Variants in CDK16 observed in about 807,000 individuals in gnomAD.
The protein encoded by CDK16 is cyclin-dependent kinase 16.
Under a neutral mutation model 41.6 loss-of-function variants are expected in CDK16, and 2 were observed. The ratio of observed to expected loss-of-function variants is 0.05; its 90% CI spans 0.02 to 0.15. CDK16 has a LOEUF of 0.15. CDK16 is among the 10% of genes least tolerant of loss of function. CDK16 has a pLI of 1.00. For missense variants in CDK16, 228 were observed against 428.9 expected, an observed-to-expected ratio of 0.53 and a Z score of 4.14; for synonymous variants, 169 against 169.7, an observed-to-expected ratio of 1.00 and a Z score of 0.03.
rs749656759 is a variant in CDK16 at position 47,220,793 on chromosome X, G to A, written c.-7+1688G>A. Among the ~76,000 whole-genome samples the A allele has an allele frequency of 1.4e-3, 160 of 111,197 alleles. 2 individuals carry two copies. Among genetic ancestry groups the A allele is most frequent in the African/African-American group, 4.9e-3 (150 of 30,494 alleles). ...GATCTATCTGTAAGGTTCACTTTAT[G>A]TTAATAGCATTCAGAGCAGCATGAA... On this transcript the variant is annotated intron_variant, in intron 1 of 15. Transcript: ENST00000357227.
intron 1 of CDK16, among the ~76,000 whole-genome samples, chrX:47,219,941 A>G (rs1937265126): frequency 9.1e-6 from 1 of 110,249 alleles, no homozygotes; most frequent in African/African-American, 3.3e-5. Context: ...AGCCTGGCCT[A>G]AAGGAGATGA....
chrX:47,223,728 T>TTCTGCACGGGGCCCACTCAGC lies in CDK16; in HGVS notation c.179_199dup (p.Arg60_Ala66dup), dbSNP rs778920672. 8.3e-7 allele frequency: 1 copy of TTCTGCACGGGGCCCACTCAGC among 1,209,092 alleles called. No homozygotes were observed. The highest frequency in any genetic ancestry group is 1.8e-5 in the South Asian group (1 of 56,487). The stretch of plus-strand genomic sequence containing the variant: ...CACGTGCTGCTCCTGGGGAACTTCG[T>TTCTGCACGGGGCCCACTCAGC]TCTGCACGGGGCCCACTCAGCTCTG... On this transcript the variant is annotated inframe_insertion, in exon 2 of 16. Coordinates refer to ENST00000357227, the MANE Select transcript of CDK16 (RefSeq NM_006201.5).
In CDK16 at chrX:47,228,413, G is replaced by T. The variant is rs41305231; in HGVS notation, c.1376-154G>T. 54,097 of 442,565 alleles carry T rather than the reference G, an allele frequency of 0.12. 2,781 individuals are homozygous for T. Among genetic ancestry groups the T allele is most frequent in the Middle Eastern group, 0.21 (451 of 2,174 alleles). 36.5% of individuals were successfully genotyped at this position (442,565 alleles called of 1,213,427 possible). A position where few individuals can be genotyped will look rare whatever the true frequency, so the allele number is the denominator to read the frequency against. ...AGTCTATATTTCATCTTCCCTGGTT[G>T]TAGCTGGTTTGTGTATGGAATTGTT... is the stretch of plus-strand genomic sequence containing the variant. On this transcript the variant is annotated intron_variant, in intron 14 of 15. Transcript: ENST00000357227.
At chrX:47,221,057 G>A (rs936631966) in intron 1 of CDK16, among the ~76,000 whole-genome samples, 2 of 111,467 alleles carry the variant, frequency 1.8e-5, no homozygotes, top group South Asian at 3.7e-4. Flanking sequence ...GGCTTTGAAT[G>A]CTGATGGGTA....
In CDK16 at chrX:47,224,656, G is replaced by A; in HGVS notation, c.375G>A (p.Arg125=). 1.2e-5 allele frequency: 14 copies of A among 1,211,397 alleles called. No individual in the cohort carries two copies. The highest frequency in any genetic ancestry group is 1.6e-5 in the Non-Finnish European group (14 of 895,362). The part of the protein sequence containing the change: ...NKRLSLPADI[R]LPEGYLEKLT... ...GCCTATCACTACCAGCTGACATCCGGCTGCCTGAGGGCTACCTGGAGAAGC... is the reference window on the plus strand; with the variant it reads ...GCCTATCACTACCAGCTGACATCCGACTGCCTGAGGGCTACCTGGAGAAGC... Residue 125 remains arginine, a synonymous_variant, in exon 4 of 16, where the codon CGG becomes CGA. Transcript: ENST00000357227.
At position 47,229,025 on chromosome X, in the gene CDK16, G is replaced by A. The variant is rs920885030; in HGVS notation, c.*257G>A. On this transcript the variant is annotated 3_prime_UTR_variant, in exon 16 of 16. Transcript: ENST00000357227. ...GTCTGTCTCTGTCTTGGTAGTTGCC[G>A]GTGGACAGCATGGCCGTGCCAGCCT... 6.6e-6 allele frequency: 3 copies of A among 456,901 alleles called. No homozygotes were observed. Among genetic ancestry groups the A allele is most frequent in the East Asian group, 3.9e-5 (1 of 25,823 alleles). The allele number at this position is 456,901 out of a possible 1,213,427, so 37.7% of individuals were successfully genotyped here.
chrX:47,229,278 A>C lies in CDK16; in HGVS notation c.*510A>C. On this transcript the variant is annotated 3_prime_UTR_variant, in exon 16 of 16. Transcript: ENST00000357227. Reference sequence around the variant, plus strand: ...TTCATTCATTGTTTTTTTTTTTTTAATTATTTTAAATGAGATTTTTGTTTT... The same window carrying C: ...TTCATTCATTGTTTTTTTTTTTTTACTTATTTTAAATGAGATTTTTGTTTT... 2.1e-5 allele frequency: 4 copies of C among 189,670 alleles called. No individual in the cohort carries two copies. The highest frequency in any genetic ancestry group is 6.5e-5 in the South Asian group (1 of 15,302). The allele number at this position is 189,670 out of a possible 1,213,427, so 15.6% of individuals were successfully genotyped here.
At position 47,225,631 on chromosome X, in the gene CDK16, TGGTG is replaced by T. The variant is rs1937529299; in HGVS notation, c.635-139_635-136del. The T allele has an allele frequency of 8.8e-6, 4 of 452,986 alleles. No individual in the cohort carries two copies. In the Admixed American group the frequency reaches 1.5e-4, roughly 17 times the overall value. The allele number at this position is 452,986 out of a possible 1,213,427, so 37.3% of individuals were successfully genotyped here. ...CTTCTGGCATGAGGCGGGTTAGAGC[TGGTG>T]GCTCCGAGGCATTACCCTGAACTGT... On this transcript the variant is annotated intron_variant, in intron 6 of 15. Transcript: ENST00000357227.
chrX:47,226,837 A>G lies in CDK16; in HGVS notation c.1063A>G (p.Met355Val), dbSNP rs770333839. 10 of 1,209,081 alleles carry G rather than the reference A, an allele frequency of 8.3e-6. No individual in the cohort carries two copies. The highest frequency in any genetic ancestry group is 1.0e-5 in the Non-Finnish European group (9 of 894,008). The change falls in exon 11 of 16, where the codon ATG becomes GTG. Residue 355 changes from methionine to valine, a missense_variant. By Grantham distance (21) the Met-to-Val change is conservative. Around this residue, in one of 3 missense-constraint regions of CDK16, gnomAD observed 91 missense variants for 129.5 expected, o/e 0.70. Coordinates refer to ENST00000357227, the MANE Select transcript of CDK16 (RefSeq NM_006201.5). Reference protein sequence around the residue: ...MWGVGCIFYEMATGRPLFPGS... With the variant: ...MWGVGCIFYEVATGRPLFPGS... The stretch of plus-strand genomic sequence containing the variant: ...GGGTGTGGGCTGCATCTTCTATGAG[A>G]TGGCCACAGGCCGTCCCCTCTTTCC...
At chrX:47,225,192 C>G (rs1323883002) in intron 6 of CDK16, 90 bp downstream of exon 6, 22 of 563,931 alleles carry the variant, frequency 3.9e-5, no homozygotes, top group Non-Finnish European at 5.5e-5. Flanking sequence ...GGTTCTAAGA[C>G]CCCCCAAAAC....
intron 14 of CDK16, 74 bp downstream of exon 14, chrX:47,227,543 T>G: frequency 1.3e-6 from 1 of 769,812 alleles, no homozygotes; most frequent in South Asian, 2.3e-5. Context: ...GCTGGCGGGT[T>G]GTGTAGGATT....
At chrX:47,227,245 C>T (rs886081350) in intron 13 of CDK16, 22 bp downstream of exon 13, 1 of 1,188,649 alleles carries the variant, frequency 8.4e-7, no homozygotes, top group African/African-American at 1.8e-5. Context: ...TTGGGTCAGC[C>T]TTGGGGGTAT....
At chrX:47,226,968 T>C in intron 11 of CDK16, 26 bp from the exon 12 acceptor site, 1 of 1,205,956 alleles carries the variant, frequency 8.3e-7, no homozygotes, top group Non-Finnish European at 1.1e-6. Context: ...TGTGAAATGT[T>C]TGGGATAACT....
Position 47,223,636 on chromosome X carries a change from G to T in CDK16, c.79G>T (p.Ala27Ser). 3 of 1,211,424 alleles carry T rather than the reference G, an allele frequency of 2.5e-6. No homozygotes were observed. The highest frequency in any genetic ancestry group is 3.4e-6 in the Non-Finnish European group (3 of 895,191). ...GGRGIDKTNG[A>S]PEQIGLDESG... ...CCGAGGCATAGACAAGACCAATGGTGCCCCTGAGCAGATAGGCCTGGATGA... is the reference window on the plus strand; with the variant it reads ...CCGAGGCATAGACAAGACCAATGGTTCCCCTGAGCAGATAGGCCTGGATGA... The change falls in exon 2 of 16, where the codon GCC (alanine) becomes TCC (serine). Residue 27 changes from alanine to serine, a missense_variant. Physicochemically the swap from Ala to Ser is moderately conservative, Grantham distance 99. Around this residue, in one of 3 missense-constraint regions of CDK16, gnomAD observed 71 missense variants for 102.2 expected, o/e 0.69. Coordinates refer to ENST00000357227, the MANE Select transcript of CDK16 (RefSeq NM_006201.5).
chrX:47,223,120 G>A (rs1255857404), intron 1 of CDK16: 2 of 1,154,911 alleles, frequency 1.7e-6, no homozygotes, highest in Non-Finnish European at 2.3e-6. Flanking sequence ...CCGTGCTCGA[G>A]ACCATGTCAC....
At chrX:47,221,479 C>G (rs1375019208) in intron 1 of CDK16, among the ~76,000 whole-genome samples, 1 of 111,544 alleles carries the variant, frequency 9.0e-6, no homozygotes, top group African/African-American at 3.3e-5. Flanking sequence ...AAAAACTGAA[C>G]TCCAGAGCAT....
At position 47,229,418 on chromosome X, in the gene CDK16, A is replaced by G. The variant is rs980096830; in HGVS notation, c.*650A>G. On this transcript the variant is annotated 3_prime_UTR_variant, in exon 16 of 16. Coordinates refer to ENST00000357227, the MANE Select transcript of CDK16 (RefSeq NM_006201.5). Reference sequence around the variant, plus strand: ...CTCCCAGCCTTTCAGAGACAGGGACACAGCCCCTATTTGGAACCCTGATCA... The same window carrying G: ...CTCCCAGCCTTTCAGAGACAGGGACGCAGCCCCTATTTGGAACCCTGATCA... The G allele has an allele frequency of 9.1e-6, 3 of 328,458 alleles. No homozygotes were observed. The highest frequency in any genetic ancestry group is 3.1e-5 in the Admixed American group (1 of 31,772). The allele number at this position is 328,458 out of a possible 1,213,427, so 27.1% of individuals were successfully genotyped here. A position where few individuals can be genotyped will look rare whatever the true frequency, so the allele number is the denominator to read the frequency against.
At chrX:47,228,235 C>A in intron 14 of CDK16, 1 of 195,296 alleles carries the variant, frequency 5.1e-6, no homozygotes, top group African/African-American at 2.9e-5. Context: ...ATCAAACCTA[C>A]AAAAAACATT....
Position 47,219,119 on chromosome X carries a change from C to A in CDK16, c.-7+14C>A, listed in dbSNP as rs782195770. The A allele has an allele frequency of 1.9e-5, 15 of 808,786 alleles. No individual in the cohort carries two copies. Among genetic ancestry groups the A allele is most frequent in the Non-Finnish European group, 2.1e-5 (14 of 673,514 alleles). 66.7% of individuals were successfully genotyped at this position (808,786 alleles called of 1,213,427 possible). On this transcript the variant is annotated intron_variant, in intron 1 of 15. Coordinates refer to ENST00000357227, the MANE Select transcript of CDK16 (RefSeq NM_006201.5). ...GCGCCCCCGCCGGTGAGCGCGTCCC[C>A]GAGGCGTGGAGGCTGCCCCTCCTCC...
Sources: gnomAD v4.1 joint callset for allele counts (sites outside exome capture counted in the v4.1 genomes callset) on GRCh38, gnomAD v4.1.1 for gene constraint, gnomAD v4.1.1 regional missense constraint, MANE v1.5 for transcripts, NCBI Gene and HGNC (gene_info 2026-07-23, HGNC 2026-07-21) for gene names.